The following DUSP22 variants were observed in gnomAD, a reference collection of about 807,000 sequenced individuals.
DUSP22 encodes dual specificity protein phosphatase 22.
DUSP22 carries 24 observed loss-of-function variants against 24.5 expected under a neutral mutation model. That is an observed-to-expected ratio of 0.98 (90% CI 0.71 to 1.38). DUSP22 has a LOEUF of 1.38. Ranked by LOEUF, DUSP22 falls within the 40% of genes most tolerant of loss-of-function variation. The pLI is 0.00. For missense variants in DUSP22, 330 were observed against 269.2 expected, an observed-to-expected ratio of 1.23 and a Z score of -1.58; for synonymous variants, 160 against 106.4, an observed-to-expected ratio of 1.50 and a Z score of -3.10.
chr6:344,861 T>C (rs1462530611), intron 4 of DUSP22, among the ~76,000 whole-genome samples: 2 of 152,418 alleles, frequency 1.3e-5, no homozygotes, highest in Non-Finnish European at 2.9e-5. Context: ...CTTTTAGGAC[T>C]TGGAAAGCCC....
chr6:350,188 G>A lies in DUSP22; in HGVS notation c.*1237G>A, dbSNP rs2127425541. The A allele has an allele frequency of 1.0e-6, 1 of 986,216 alleles. No individual in the cohort carries two copies. The highest frequency in any genetic ancestry group is 1.7e-5 in the African/African-American group (1 of 57,400). The allele number at this position is 986,216 out of a possible 1,614,324, so 61.1% of individuals were successfully genotyped here. Reference sequence around the variant, plus strand: ...GGTCATGATTGCTTTTGAAACCAAAGGGGAAGGTACCGATATCATTGAGCT... The same window carrying A: ...GGTCATGATTGCTTTTGAAACCAAAAGGGAAGGTACCGATATCATTGAGCT... On this transcript the variant is annotated 3_prime_UTR_variant, in exon 7 of 7. Transcript: ENST00000419235.
intron 4 of DUSP22, among the ~76,000 whole-genome samples, chr6:336,310 G>A (rs1759360445): frequency 6.6e-6 from 1 of 152,304 alleles, no homozygotes; most frequent in Non-Finnish European, 1.5e-5. Flanking sequence ...GTAGGCTGTG[G>A]TGAAGTTTGT....
In DUSP22 at chr6:350,271, T is replaced by C; in HGVS notation, c.*1320T>C. 3 of 989,286 alleles carry C rather than the reference T, an allele frequency of 3.0e-6. No homozygotes were observed. The highest frequency in any genetic ancestry group is 3.6e-6 in the Non-Finnish European group (3 of 832,628). 61.3% of individuals were successfully genotyped at this position (989,286 alleles called of 1,614,324 possible). A position where few individuals can be genotyped will look rare whatever the true frequency, so the allele number is the denominator to read the frequency against. ...CTTTCTGGTGGGTAAAATTCCACAT[T>C]CAGGCCACGAGAGCATCTACAGTTT... On this transcript the variant is annotated 3_prime_UTR_variant, in exon 7 of 7. Transcript: ENST00000419235.
rs763740937 is a variant in DUSP22, at chr6:292,518, C to G, written c.-22C>G. 2 of 1,605,068 alleles carry G rather than the reference C, an allele frequency of 1.2e-6. No homozygotes were observed. The highest frequency in any genetic ancestry group is 1.7e-5 in the Admixed American group (1 of 58,836). On this transcript the variant is annotated 5_prime_UTR_variant, in exon 1 of 7. Transcript: ENST00000419235. ...CGCCTGCGACCACACGGCCGGGGCG[C>G]TAGCGTTCGCCTTCAGCCACCATGG...
Position 348,083 on chromosome 6 carries a change from T to C in DUSP22, c.264-20T>C, listed in dbSNP as rs755101962. On this transcript the variant is annotated intron_variant, in intron 5 of 6. Transcript: ENST00000419235. ...AGATCTGAAACTGCCCTCACACATG[T>C]GCTTCTCTTGGCCCCGCAGCCTGGC... 1.2e-6 allele frequency: 2 copies of C among 1,613,620 alleles called. No individual in the cohort carries two copies. The highest frequency in any genetic ancestry group is 8.5e-7 in the Non-Finnish European group (1 of 1,179,600).
At position 350,191 on chromosome 6, in the gene DUSP22, G is replaced by C. The variant is rs1416094618; in HGVS notation, c.*1240G>C. The C allele has an allele frequency of 2.2e-5, 22 of 986,330 alleles. No individual in the cohort carries two copies. The highest frequency in any genetic ancestry group is 2.4e-5 in the Non-Finnish European group (20 of 830,560). The allele number at this position is 986,330 out of a possible 1,614,324, so 61.1% of individuals were successfully genotyped here. ...CATGATTGCTTTTGAAACCAAAGGG[G>C]AAGGTACCGATATCATTGAGCTATT... On this transcript the variant is annotated 3_prime_UTR_variant, in exon 7 of 7. Coordinates refer to ENST00000419235, the MANE Select transcript of DUSP22 (RefSeq NM_001286555.3).
chr6:292,745 C>CA (rs1757147794), intron 1 of DUSP22, among the ~76,000 whole-genome samples, 185 bp downstream of exon 1: 1 of 152,280 alleles, frequency 6.6e-6, no homozygotes, highest in South Asian at 2.1e-4. Flanking sequence ...TTCCCGCCCC[C>CA]ACCCCACCCG....
Sources: allele counts gnomAD v4.1 joint callset (sites outside exome capture counted in the v4.1 genomes callset), GRCh38; gene constraint gnomAD v4.1.1; transcripts MANE v1.5; gene names NCBI Gene and HGNC (gene_info 2026-07-23, HGNC 2026-07-21).